Variants in PEX5L observed in about 807,000 individuals in gnomAD.
PEX5L encodes the protein PEX5-related protein.
In PEX5L, 30 loss-of-function variants were observed where a neutral mutation model predicts 84.0. The ratio of observed to expected loss-of-function variants is 0.36; its 90% CI spans 0.27 to 0.48. The LOEUF (loss-of-function observed/expected upper bound fraction) is 0.48, where lower values mean the gene tolerates loss of function less well. PEX5L is among the 20% of genes least tolerant of loss of function. The probability of loss-of-function intolerance (pLI) is 0.99; values close to 1 mark genes in which losing one functional copy is unlikely to be tolerated. For synonymous variants in PEX5L, 270 were observed against 283.1 expected (o/e 0.95, Z 0.46); for missense variants, 533 against 754.6 (o/e 0.71, Z 3.44).
chr3:179,955,040 C>T (rs1406295741), intron 2 of PEX5L, among the ~76,000 whole-genome samples: 1 of 152,096 alleles, frequency 6.6e-6, no homozygotes, highest in African/African-American at 2.4e-5. Context: ...TTTCTCTTCA[C>T]TCCCCCTTTC....
At chr3:179,889,197 G>A (rs761421532) in intron 3 of PEX5L, among the ~76,000 whole-genome samples, 5 of 152,090 alleles carry the variant, frequency 3.3e-5, no homozygotes, top group Non-Finnish European at 7.4e-5. Context: ...ACTCACCTTC[G>A]CTACATTGTT....
At chr3:179,933,492 G>A (rs1324327319) in intron 2 of PEX5L, among the ~76,000 whole-genome samples, 1 of 151,232 alleles carries the variant, frequency 6.6e-6, no homozygotes, top group African/African-American at 2.4e-5. Context: ...AATTTCTATT[G>A]CTAAAAAGCC....
chr3:180,017,513 T>C (rs920423962), intron 1 of PEX5L, among the ~76,000 whole-genome samples: 8 of 152,174 alleles, frequency 5.3e-5, no homozygotes, highest in African/African-American at 1.9e-4. Context: ...CAATATTTAA[T>C]TCAAAACACT....
intron 1 of PEX5L, among the ~76,000 whole-genome samples, chr3:179,997,729 G>A (rs1271959047): frequency 6.6e-6 from 1 of 152,202 alleles, no homozygotes; most frequent in Non-Finnish European, 1.5e-5. Flanking sequence ...AATTGCAAGT[G>A]CTTTACCAGA....
intron 1 of PEX5L, among the ~76,000 whole-genome samples, chr3:179,998,334 G>A (rs1262778615): frequency 6.6e-6 from 1 of 152,206 alleles, no homozygotes; most frequent in African/African-American, 2.4e-5. Flanking sequence ...CCAGTTTGGA[G>A]TGGGGTCCAG....
chr3:179,915,271 A>G (rs1365345626), intron 2 of PEX5L, among the ~76,000 whole-genome samples: 1 of 152,200 alleles, frequency 6.6e-6, no homozygotes, highest in African/African-American at 2.4e-5. Context: ...GAATCCATAG[A>G]AATCTTGTGA....
intron 2 of PEX5L, among the ~76,000 whole-genome samples, chr3:179,959,839 G>A (rs1318699945): frequency 1.3e-5 from 2 of 152,124 alleles, no homozygotes; most frequent in Non-Finnish European, 2.9e-5. Context: ...TGTGGCAGCA[G>A]AGCAGAATAA....
chr3:179,999,579 A>G (rs1788203850), intron 1 of PEX5L, among the ~76,000 whole-genome samples: 1 of 152,136 alleles, frequency 6.6e-6, no homozygotes, highest in Admixed American at 6.5e-5. Context: ...GATTGACTGT[A>G]TTGGACCTCT....
chr3:179,938,160 C>G (rs975704760), intron 2 of PEX5L, among the ~76,000 whole-genome samples: 4 of 152,068 alleles, frequency 2.6e-5, no homozygotes, highest in African/African-American at 9.7e-5. Flanking sequence ...GGTGAACATA[C>G]AAAATGCGGC....
At chr3:179,905,962 A>G (rs1233976480) in intron 2 of PEX5L, among the ~76,000 whole-genome samples, 1 of 152,218 alleles carries the variant, frequency 6.6e-6, no homozygotes, top group Non-Finnish European at 1.5e-5. Flanking sequence ...CTGAAATTAC[A>G]TTATATGGCC....
intron 1 of PEX5L, among the ~76,000 whole-genome samples, chr3:179,989,450 A>T (rs1426300310): frequency 6.6e-6 from 1 of 152,232 alleles, no homozygotes; most frequent in Non-Finnish European, 1.5e-5. Flanking sequence ...TATTTTTAGT[A>T]GAAAAATAAA....
chr3:179,832,683 C>T (rs568411821), intron 8 of PEX5L, among the ~76,000 whole-genome samples: 1 of 151,426 alleles, frequency 6.6e-6, no homozygotes, highest in Non-Finnish European at 1.5e-5. Context: ...TACCTACTTA[C>T]CCACCCACTT....
At chr3:180,023,771 C>CAG (rs139045124) in intron 1 of PEX5L, among the ~76,000 whole-genome samples, 2,360 of 102,762 alleles carry the variant, frequency 0.023, 23 homozygotes, top group African/African-American at 0.029. Context: ...CGCACACACA[C>CAG]AGAGAGAGAG....
At position 179,871,100 on chromosome 3, in the gene PEX5L, CTTTTTTT is replaced by C. The variant is rs397801213; in HGVS notation, c.726+3220_726+3226del. Reference sequence around the variant, plus strand: ...TTTCCTGTGAACCATTTGAGTTATACTTTTTTTTTTTTTTTTTTTTTTGGCTGAGTCT... The same window carrying C: ...TTTCCTGTGAACCATTTGAGTTATACTTTTTTTTTTTTTTTGGCTGAGTCT... On this transcript the variant is annotated intron_variant, in intron 7 of 14. Transcript: ENST00000467460. Among the ~76,000 whole-genome samples, 224 of 95,034 alleles carry C rather than the reference CTTTTTTT, an allele frequency of 2.4e-3. 1 individual carries two copies. Among genetic ancestry groups the C allele is most frequent in the African/African-American group, 9.1e-3 (202 of 22,122 alleles). The allele number at this position is 95,034 out of a possible 152,430, so 62.3% of individuals were successfully genotyped here. A position where few individuals can be genotyped will look rare whatever the true frequency, so the allele number is the denominator to read the frequency against.
intron 2 of PEX5L, among the ~76,000 whole-genome samples, chr3:179,960,747 C>T (rs1781795981): frequency 6.6e-6 from 1 of 152,086 alleles, no homozygotes; most frequent in African/African-American, 2.4e-5. Context: ...TATGTTTTAT[C>T]TTGTAGTAAA....
chr3:179,935,332 A>C (rs1206172465), intron 2 of PEX5L, among the ~76,000 whole-genome samples: 1 of 152,198 alleles, frequency 6.6e-6, no homozygotes, highest in African/African-American at 2.4e-5. Flanking sequence ...AGTAGAAATG[A>C]CTGCATTGTG....
Position 179,880,072 on chromosome 3 carries a change from G to A in PEX5L, c.362C>T (p.Thr121Ile). Residue 121 changes from threonine to isoleucine, a missense_variant, in exon 5 of 15, where the codon ACC becomes ATC. This residue lies in a region of PEX5L where 259 missense variants were observed against 301.7 expected (regional missense o/e 0.86). Transcript: ENST00000467460. ...LLDLSEPVSQ[T>I]QTKAKKSEPS... Reference sequence around the variant, plus strand: ...CTCTGACTTCTTGGCTTTGGTTTGGGTTTGAGAGACTGGTTCACTCAGGTC... The same window carrying A: ...CTCTGACTTCTTGGCTTTGGTTTGGATTTGAGAGACTGGTTCACTCAGGTC... 2.5e-6 allele frequency: 4 copies of A among 1,613,770 alleles called. No individual in the cohort carries two copies. Among genetic ancestry groups the A allele is most frequent in the Non-Finnish European group, 3.4e-6 (4 of 1,179,824 alleles).
At chr3:179,976,190 C>T (rs559944885) in intron 1 of PEX5L, among the ~76,000 whole-genome samples, 2 of 152,160 alleles carry the variant, frequency 1.3e-5, no homozygotes, top group South Asian at 2.1e-4. Context: ...ATGCAGGTGG[C>T]GAATTAGTGG....
At chr3:179,849,250 C>A (rs1162759267) in intron 8 of PEX5L, among the ~76,000 whole-genome samples, 2 of 152,096 alleles carry the variant, frequency 1.3e-5, no homozygotes, top group African/African-American at 4.8e-5. Flanking sequence ...TAATACAGTT[C>A]TATTACTTAT....
Sources: allele counts gnomAD v4.1 joint callset (sites outside exome capture counted in the v4.1 genomes callset), GRCh38; gene constraint gnomAD v4.1.1; regional missense constraint gnomAD v4.1.1; transcripts MANE v1.5; gene names NCBI Gene and HGNC (gene_info 2026-07-23, HGNC 2026-07-21).